The following SPAG16 variants were observed in gnomAD, a reference collection of about 807,000 sequenced individuals.
SPAG16 encodes sperm-associated antigen 16 protein.
Under a neutral mutation model 80.4 loss-of-function variants are expected in SPAG16, and 86 were observed. The ratio of observed to expected loss-of-function variants is 1.07; its 90% CI spans 0.90 to 1.28. SPAG16 has a LOEUF of 1.28. Among genes scored for constraint, SPAG16 ranks in the 50% most tolerant of loss-of-function variants. SPAG16 has a pLI of 0.00. For synonymous variants in SPAG16, 294 were observed against 265.9 expected, an observed-to-expected ratio of 1.11 and a Z score of -1.03; for missense variants, 870 against 765.3, an observed-to-expected ratio of 1.14 and a Z score of -1.61.
At chr2:213,808,240 T>G (rs186146829) in intron 10 of SPAG16, among the ~76,000 whole-genome samples, 2 of 152,302 alleles carry the variant, frequency 1.3e-5, no homozygotes, top group Admixed American at 1.3e-4. Flanking sequence ...GTAAGGTGCA[T>G]GTTAACAAGT....
At chr2:213,884,024 A>G (rs1335099661) in intron 11 of SPAG16, among the ~76,000 whole-genome samples, 1 of 152,160 alleles carries the variant, frequency 6.6e-6, no homozygotes, top group Non-Finnish European at 1.5e-5. Flanking sequence ...TAGTATGGAT[A>G]TGTGAGATTT....
intron 15 of SPAG16, among the ~76,000 whole-genome samples, chr2:214,401,692 A>G (rs879873247): frequency 5.9e-5 from 9 of 151,912 alleles, no homozygotes; most frequent in Admixed American, 1.3e-4. Flanking sequence ...CTTATAACAA[A>G]GCTCCATTCC....
intron 15 of SPAG16, among the ~76,000 whole-genome samples, chr2:214,364,162 C>G (rs1360772175): frequency 6.6e-6 from 1 of 152,108 alleles, no homozygotes; most frequent in African/African-American, 2.4e-5. Flanking sequence ...TACAACATGA[C>G]TTGTAATTCT....
chr2:213,771,160 A>T (rs2069222578), intron 10 of SPAG16, among the ~76,000 whole-genome samples: 1 of 152,132 alleles, frequency 6.6e-6, no homozygotes, highest in African/African-American at 2.4e-5. Flanking sequence ...ATTCTGACTG[A>T]CATGAAATGG....
intron 10 of SPAG16, among the ~76,000 whole-genome samples, chr2:213,735,669 G>C (rs1248589736): frequency 6.6e-6 from 1 of 152,156 alleles, no homozygotes; most frequent in Non-Finnish European, 1.5e-5. Flanking sequence ...CCAGAATTTA[G>C]GTCCAGCTAT....
At chr2:213,362,923 G>C (rs1274417902) in intron 7 of SPAG16, among the ~76,000 whole-genome samples, 1 of 152,066 alleles carries the variant, frequency 6.6e-6, no homozygotes, top group Non-Finnish European at 1.5e-5. Context: ...CTCCAACACT[G>C]GGGATCACTT....
Position 213,961,826 on chromosome 2 carries a change from T to A in SPAG16, c.1400+31681T>A, listed in dbSNP as rs141389054. On this transcript the variant is annotated intron_variant, in intron 12 of 15. Coordinates refer to ENST00000331683, the MANE Select transcript of SPAG16 (RefSeq NM_024532.5). ...TAAAATCTCTGATATTTATCAGCAG[T>A]TTTGATCTATGGTTTTTTTTCTTGT... Among the ~76,000 whole-genome samples, 877 of 152,252 alleles carry A rather than the reference T, an allele frequency of 5.8e-3. 10 individuals are homozygous for A. The highest frequency in any genetic ancestry group is 0.02 in the African/African-American group (839 of 41,554).
At chr2:213,625,905 G>A (rs771433093) in intron 10 of SPAG16, among the ~76,000 whole-genome samples, 1 of 151,930 alleles carries the variant, frequency 6.6e-6, no homozygotes, top group Non-Finnish European at 1.5e-5. Flanking sequence ...AGCCAGGCTG[G>A]TCTCAAACTC....
intron 10 of SPAG16, among the ~76,000 whole-genome samples, chr2:213,704,615 TAAAA>T (rs58187547): frequency 8.8e-5 from 13 of 147,194 alleles, no homozygotes; most frequent in African/African-American, 3.0e-4. Context: ...GTTGAACAAA[TAAAA>T]AAAAAACCCT....
At chr2:213,341,625 G>C (rs1455211849) in intron 6 of SPAG16, among the ~76,000 whole-genome samples, 1 of 152,088 alleles carries the variant, frequency 6.6e-6, no homozygotes, top group Non-Finnish European at 1.5e-5. Context: ...CCCAACTCCT[G>C]GGTTCAAGCA....
intron 10 of SPAG16, among the ~76,000 whole-genome samples, chr2:213,590,383 A>T (rs1414128885): frequency 6.6e-6 from 1 of 152,008 alleles, no homozygotes; most frequent in Non-Finnish European, 1.5e-5. Context: ...TGGAATCCCC[A>T]ATGTTTGCAT....
chr2:214,333,054 G>A (rs954541396), intron 15 of SPAG16, among the ~76,000 whole-genome samples: 4 of 152,166 alleles, frequency 2.6e-5, no homozygotes, highest in African/African-American at 9.7e-5. Context: ...CGGAGGAAAT[G>A]GCTGTAGGAC....
chr2:214,064,003 C>T (rs893440838), intron 13 of SPAG16, among the ~76,000 whole-genome samples: 4 of 152,096 alleles, frequency 2.6e-5, no homozygotes, highest in South Asian at 2.1e-4. Context: ...TTAATGCAGT[C>T]GGATATTATG....
intron 12 of SPAG16, among the ~76,000 whole-genome samples, chr2:213,941,613 A>G (rs1374548976): frequency 6.6e-6 from 1 of 152,122 alleles, no homozygotes; most frequent in Non-Finnish European, 1.5e-5. Flanking sequence ...TTGTTGAATT[A>G]ATATCTTAAC....
chr2:213,619,018 C>A (rs2061688147), intron 10 of SPAG16, among the ~76,000 whole-genome samples: 1 of 151,998 alleles, frequency 6.6e-6, no homozygotes. Flanking sequence ...TAAATATAAC[C>A]ATTTAGCAAT....
intron 10 of SPAG16, among the ~76,000 whole-genome samples, chr2:213,651,153 T>A (rs540069590): frequency 1.3e-5 from 2 of 152,292 alleles, no homozygotes; most frequent in Admixed American, 1.3e-4. Context: ...ATGAACATTA[T>A]ACACACACAA....
chr2:213,309,965 A>G, intron 3 of SPAG16, 94 bp from the exon 4 acceptor site: 1 of 744,248 alleles, frequency 1.3e-6, no homozygotes, highest in South Asian at 2.0e-5. Context: ...TTGAAAAAAA[A>G]TGAATGGATG....
intron 11 of SPAG16, among the ~76,000 whole-genome samples, chr2:213,882,985 C>T (rs1252694458): frequency 6.6e-6 from 1 of 152,150 alleles, no homozygotes; most frequent in Admixed American, 6.5e-5. Flanking sequence ...TCCTCCTCAG[C>T]CTCCCGAGTA....
intron 15 of SPAG16, among the ~76,000 whole-genome samples, chr2:214,378,336 G>C (rs1219915735): frequency 2.0e-5 from 3 of 152,206 alleles, no homozygotes; most frequent in Admixed American, 1.3e-4. Context: ...TAATAGGATA[G>C]CAAGAAGATG....
Sources: allele counts gnomAD v4.1 joint callset (sites outside exome capture counted in the v4.1 genomes callset), GRCh38; gene constraint gnomAD v4.1.1; transcripts MANE v1.5; gene names NCBI Gene and HGNC (gene_info 2026-07-23, HGNC 2026-07-21).